Variants in IL34 observed in about 807,000 individuals in gnomAD.
The protein encoded by IL34 is interleukin-34.
IL34 carries 17 observed loss-of-function variants against 25.3 expected under a neutral mutation model. That is an observed-to-expected ratio of 0.67 (90% CI 0.46 to 1.01). IL34 has a LOEUF of 1.01. IL34 is among the 50% of genes least tolerant of loss of function. The pLI, the probability that IL34 is intolerant of heterozygous loss-of-function variation, is 0.00. For synonymous variants in IL34, 174 were observed against 140.9 expected (o/e 1.23, Z -1.66); for missense variants, 368 against 312.9 (o/e 1.18, Z -1.33).
chr16:70,650,206 G>A (rs2052044683), intron 1 of IL34, among the ~76,000 whole-genome samples: 2 of 152,148 alleles, frequency 1.3e-5, no homozygotes, highest in South Asian at 4.1e-4. Flanking sequence ...GAGCATGTGG[G>A]GGACAGTGGC....
intron 1 of IL34, among the ~76,000 whole-genome samples, chr16:70,613,138 G>C (rs893471295): frequency 6.6e-6 from 1 of 152,228 alleles, no homozygotes; most frequent in Non-Finnish European, 1.5e-5. Context: ...GCCGGTCGAA[G>C]GGGTGTCACT....
chr16:70,629,679 T>C (rs1200984709), intron 1 of IL34, among the ~76,000 whole-genome samples: 1 of 152,128 alleles, frequency 6.6e-6, no homozygotes, highest in Non-Finnish European at 1.5e-5. Context: ...GAAACAATCA[T>C]TGTAGACCTC....
At chr16:70,633,770 T>TC (rs1229444777) in intron 1 of IL34, among the ~76,000 whole-genome samples, 1 of 152,156 alleles carries the variant, frequency 6.6e-6, no homozygotes, top group Non-Finnish European at 1.5e-5. Flanking sequence ...CTTCCCAGGT[T>TC]CTGGTGTACA....
chr16:70,618,733 G>C (rs141442624), intron 1 of IL34, among the ~76,000 whole-genome samples: 4 of 151,998 alleles, frequency 2.6e-5, no homozygotes, highest in African/African-American at 9.7e-5. Context: ...GAGATCAGTC[G>C]GACAGGGAGA....
At chr16:70,641,460 C>T (rs12325224) in intron 1 of IL34, among the ~76,000 whole-genome samples, 81,765 of 151,198 alleles carry the variant, frequency 0.54, 24,690 homozygotes, top group African/African-American at 0.83. Flanking sequence ...TTTAAAGTAA[C>T]TTCAATGGAT....
At chr16:70,645,699 A>G (rs975330893), upstream of IL34, among the ~76,000 whole-genome samples, 6 of 152,258 alleles carry the variant, frequency 3.9e-5, no homozygotes, top group Admixed American at 1.3e-4. Flanking sequence ...CAGTTTCCTC[A>G]TTGATAAACT....
intron 1 of IL34, among the ~76,000 whole-genome samples, chr16:70,624,001 C>T (rs913150362): frequency 1.3e-5 from 2 of 149,634 alleles, no homozygotes; most frequent in South Asian, 2.2e-4. Flanking sequence ...ACTCGAAGCT[C>T]GGCGTCTGTG....
chr16:70,623,872 C>T (rs372184042), intron 1 of IL34, among the ~76,000 whole-genome samples: 4,397 of 149,950 alleles, frequency 0.029, 192 homozygotes, highest in African/African-American at 0.086. Context: ...GAAGCCTGGC[C>T]GTCAATACTC....
intron 1 of IL34, among the ~76,000 whole-genome samples, chr16:70,618,624 G>C (rs2051212459): frequency 6.6e-6 from 1 of 152,224 alleles, no homozygotes; most frequent in African/African-American, 2.4e-5. Context: ...GGACAGAAAG[G>C]TTACAGGGTG....
chr16:70,645,326 G>C (rs2051901083), upstream of IL34, among the ~76,000 whole-genome samples: 1 of 152,168 alleles, frequency 6.6e-6, no homozygotes, highest in African/African-American at 2.4e-5. Context: ...CTTAGGGTAA[G>C]GGCCAGCATT....
rs541392162 is a variant in IL34, at chr16:70,646,833, C to G, written c.-115C>G. ...AGCCACTCCTCCAGGGCCAGCCCTT[C>G]CCTGACTGAGTGACCACCTCTGCTG... On this transcript the variant is annotated 5_prime_UTR_variant, in exon 1 of 6. Transcript: ENST00000288098. 2.7e-4 allele frequency: 283 copies of G among 1,039,078 alleles called. No homozygotes were observed. The African/African-American group carries it at 3.6e-3, about 13-fold the overall frequency. The allele number at this position is 1,039,078 out of a possible 1,614,324, so 64.4% of individuals were successfully genotyped here.
intron 1 of IL34, among the ~76,000 whole-genome samples, chr16:70,603,614 C>T (rs537326404): frequency 2.5e-4 from 38 of 152,206 alleles, no homozygotes; most frequent in Non-Finnish European, 4.4e-4. Context: ...ACTCTGTCAC[C>T]CAGGCTGGAA....
At chr16:70,603,283 G>A (rs773622780) in intron 1 of IL34, among the ~76,000 whole-genome samples, 1 of 151,018 alleles carries the variant, frequency 6.6e-6, no homozygotes, top group African/African-American at 2.4e-5. Flanking sequence ...TTTTTTATTT[G>A]TTATTATTTT....
At chr16:70,614,774 G>C (rs1232696158) in intron 1 of IL34, among the ~76,000 whole-genome samples, 2 of 152,208 alleles carry the variant, frequency 1.3e-5, no homozygotes, top group African/African-American at 4.8e-5. Flanking sequence ...AGCTGTTACA[G>C]GTGATAAAAC....
intron 1 of IL34, among the ~76,000 whole-genome samples, chr16:70,634,485 G>C (rs1159806703): frequency 6.6e-6 from 1 of 151,988 alleles, no homozygotes; most frequent in Non-Finnish European, 1.5e-5. Context: ...TTCGAGACCA[G>C]CCTGACCAAC....
At chr16:70,621,823 C>T (rs552683406) in intron 1 of IL34, among the ~76,000 whole-genome samples, 2 of 151,798 alleles carry the variant, frequency 1.3e-5, no homozygotes, top group Non-Finnish European at 2.9e-5. Flanking sequence ...TCGCAAGGTG[C>T]TCAGTGGGGG....
intron 1 of IL34, among the ~76,000 whole-genome samples, chr16:70,587,427 GC>G (rs1480871322): frequency 1.3e-5 from 2 of 151,948 alleles, no homozygotes. Flanking sequence ...CCGCCACCAC[GC>G]CCAGCTAATT....
intron 1 of IL34, among the ~76,000 whole-genome samples, chr16:70,623,548 A>G (rs545486738): frequency 3.9e-5 from 6 of 152,152 alleles, no homozygotes; most frequent in East Asian, 1.9e-4. Flanking sequence ...TTGGCATTGA[A>G]CAGGGTAAGG....
intron 1 of IL34, among the ~76,000 whole-genome samples, chr16:70,580,505 C>T (rs1474132039): frequency 3.3e-5 from 5 of 152,156 alleles, no homozygotes; most frequent in African/African-American, 9.7e-5. Context: ...CTTGGCCAGG[C>T]GCAGTGGCTC....
Sources: allele counts gnomAD v4.1 joint callset (sites outside exome capture counted in the v4.1 genomes callset), GRCh38; gene constraint gnomAD v4.1.1; transcripts MANE v1.5; gene names NCBI Gene and HGNC (gene_info 2026-07-23, HGNC 2026-07-21).